The following NNT variants were observed in gnomAD, a reference collection of about 807,000 sequenced individuals.
NNT encodes the protein NAD(P) transhydrogenase, mitochondrial.
NNT carries 50 observed loss-of-function variants against 104.8 expected under a neutral mutation model. The observed-to-expected ratio is 0.48, with a 90% CI of 0.38 to 0.60. The LOEUF (loss-of-function observed/expected upper bound fraction) is 0.60, where lower values mean the gene tolerates loss of function less well. NNT is among the 20% of genes least tolerant of loss of function. The pLI is 0.00. For synonymous variants in NNT, 461 were observed against 490.4 expected, an observed-to-expected ratio of 0.94 and a Z score of 0.79; for missense variants, 1,131 against 1,330.7, an observed-to-expected ratio of 0.85 and a Z score of 2.33.
chr5:43,667,105 A>G (rs1740745224), intron 17 of NNT: 11 of 1,548,974 alleles, frequency 7.1e-6, no homozygotes, highest in Non-Finnish European at 9.7e-6. Flanking sequence ...GGCAAAGTGC[A>G]TGTTCCTCAG....
intron 9 of NNT, 150 bp from the exon 10 acceptor site, chr5:43,645,207 T>C: frequency 2.4e-6 from 1 of 411,106 alleles, no homozygotes; most frequent in South Asian, 8.1e-5. Context: ...GACATATTTA[T>C]GTAAAATGAT....
At chr5:43,629,717 A>G (rs893846266) in intron 7 of NNT, among the ~76,000 whole-genome samples, 2 of 152,088 alleles carry the variant, frequency 1.3e-5, no homozygotes, top group African/African-American at 4.8e-5. Flanking sequence ...TTGCATTTCC[A>G]TGATCATTAG....
intron 17 of NNT, among the ~76,000 whole-genome samples, chr5:43,664,729 C>T (rs116565385): frequency 1.1e-4 from 17 of 150,876 alleles, no homozygotes; most frequent in East Asian, 3.9e-4. Context: ...TCATTTAAGC[C>T]GGCAAAAAAA....
intron 18 of NNT, among the ~76,000 whole-genome samples, chr5:43,677,050 T>C (rs1193870276): frequency 6.6e-6 from 1 of 152,048 alleles, no homozygotes; most frequent in African/African-American, 2.4e-5. Context: ...ATCAGAAATA[T>C]GGAAACAGTT....
chr5:43,624,438 GT>G (rs1230593465), intron 6 of NNT, among the ~76,000 whole-genome samples: 1 of 152,190 alleles, frequency 6.6e-6, no homozygotes, highest in Non-Finnish European at 1.5e-5. Context: ...AAACAAAGAT[GT>G]TTGTGAATCT....
intron 19 of NNT, among the ~76,000 whole-genome samples, chr5:43,688,295 A>T (rs1742085946): frequency 6.6e-6 from 1 of 152,162 alleles, no homozygotes; most frequent in African/African-American, 2.4e-5. Flanking sequence ...AGGACATGTG[A>T]CAGTGGAAGC....
At chr5:43,679,398 A>G (rs1190099936) in intron 19 of NNT, among the ~76,000 whole-genome samples, 1 of 152,178 alleles carries the variant, frequency 6.6e-6, no homozygotes, top group Non-Finnish European at 1.5e-5. Flanking sequence ...GAAGGGAAGG[A>G]TTAATTTGGC....
intron 19 of NNT, among the ~76,000 whole-genome samples, chr5:43,690,438 G>C (rs75478481): frequency 6.6e-6 from 1 of 152,110 alleles, no homozygotes; most frequent in Admixed American, 6.5e-5. Flanking sequence ...AAGAGCAGTG[G>C]GCCTGGTGGG....
chr5:43,613,578 A>G (rs1749619513), intron 3 of NNT: 1 of 154,150 alleles, frequency 6.5e-6, no homozygotes, highest in Non-Finnish European at 1.4e-5. Flanking sequence ...TAGAGAGGGC[A>G]TGACTATTTT....
chr5:43,665,230 TA>T (rs1286301365), intron 17 of NNT, among the ~76,000 whole-genome samples: 2 of 150,030 alleles, frequency 1.3e-5, no homozygotes, highest in African/African-American at 4.9e-5. Flanking sequence ...TTATTATTAT[TA>T]TTATTATTAT....
Position 43,612,936 on chromosome 5 carries a change from A to G in NNT, c.180A>G (p.Gly60=), listed in dbSNP as rs756766359. ...TTCCATATAAGCAACTGACTGTTGG[A>G]GTCCCCAAAGAGATATTCCAAAATG... The part of the protein sequence containing the change: ...PGIPYKQLTV[G]VPKEIFQNEK... Residue 60 remains glycine, a synonymous_variant, in exon 3 of 22, where the codon GGA becomes GGG. Coordinates refer to ENST00000344920, the MANE Select transcript of NNT (RefSeq NM_182977.3). The G allele has an allele frequency of 6.2e-7, 1 of 1,613,770 alleles. No individual in the cohort carries two copies. The highest frequency in any genetic ancestry group is 8.5e-7 in the Non-Finnish European group (1 of 1,179,804).
In NNT at chr5:43,656,022, A is replaced by T; in HGVS notation, c.2242A>T (p.Ile748Phe). 1 of 1,614,210 alleles carries T rather than the reference A, an allele frequency of 6.2e-7. No individual in the cohort carries two copies. The highest frequency in any genetic ancestry group is 8.5e-7 in the Non-Finnish European group (1 of 1,180,034). Residue 748 changes from isoleucine (I) to phenylalanine (F), a missense_variant, in exon 15 of 22, where the codon ATT (isoleucine) becomes TTT (phenylalanine). Coordinates refer to ENST00000344920, the MANE Select transcript of NNT (RefSeq NM_182977.3). ...GATTGTGGCCTACCTCGGCACTTAC[A>T]TTGGTGGCGTCACCTTTAGTGGGTC... is the stretch of plus-strand genomic sequence containing the variant. ...TKIVAYLGTY[I>F]GGVTFSGSLI...
intron 6 of NNT, among the ~76,000 whole-genome samples, chr5:43,625,670 C>T (rs913491592): frequency 2.6e-5 from 4 of 152,092 alleles, no homozygotes; most frequent in Admixed American, 6.5e-5. Flanking sequence ...TGAATTCTTT[C>T]AAACAATAAC....
At chr5:43,693,276 T>C (rs994986741) in intron 19 of NNT, among the ~76,000 whole-genome samples, 5 of 152,228 alleles carry the variant, frequency 3.3e-5, no homozygotes, top group Admixed American at 2.6e-4. Context: ...TATTTCAATA[T>C]AATGCATTTT....
Position 43,667,434 on chromosome 5 carries a change from C to T in NNT, c.2635-8077C>T, listed in dbSNP as rs1740772307. 2.0e-5 allele frequency among the ~76,000 whole-genome samples: 3 copies of T among 152,114 alleles called. No homozygotes were observed. In the South Asian group the frequency reaches 6.2e-4, roughly 32 times the overall value. ...CCTCCCCACTCCCCCCACCCCACGA[C>T]AGGCCCTGGTGTGTGATGTTTCCCT... On this transcript the variant is annotated intron_variant, in intron 17 of 21. Transcript: ENST00000344920.
At chr5:43,606,867 A>C (rs547534815) in intron 1 of NNT, among the ~76,000 whole-genome samples, 1 of 152,356 alleles carries the variant, frequency 6.6e-6, no homozygotes, top group East Asian at 1.9e-4. Flanking sequence ...TGTTGAATTA[A>C]GGGGCATCTT....
At chr5:43,649,788 ATT>A (rs1201164713) in intron 11 of NNT, among the ~76,000 whole-genome samples, 1 of 152,114 alleles carries the variant, frequency 6.6e-6, no homozygotes, top group Non-Finnish European at 1.5e-5. Flanking sequence ...GGCATCAGGC[ATT>A]TCTCTTTGGT....
chr5:43,644,595 A>C lies in NNT; in HGVS notation c.1099-16A>C. The C allele has an allele frequency of 6.3e-7, 1 of 1,591,888 alleles. No individual in the cohort carries two copies. Among genetic ancestry groups the C allele is most frequent in the Non-Finnish European group, 8.5e-7 (1 of 1,170,062 alleles). ...TAGGGTGATAGACCTTTTTGACTAT[A>C]ATTTTGTTCATTTAGGGAATTACTC... On this transcript the variant is annotated splice_polypyrimidine_tract_variant and intron_variant, in intron 8 of 21. Transcript: ENST00000344920.
intron 12 of NNT, 143 bp from the exon 13 acceptor site, chr5:43,651,596 T>C (rs1268581340): frequency 2.2e-6 from 2 of 896,020 alleles, no homozygotes; most frequent in Non-Finnish European, 3.4e-6. Flanking sequence ...AAATTTGAGG[T>C]TGCAAAATGT....
Sources: allele counts gnomAD v4.1 joint callset (sites outside exome capture counted in the v4.1 genomes callset), GRCh38; gene constraint gnomAD v4.1.1; transcripts MANE v1.5; gene names NCBI Gene and HGNC (gene_info 2026-07-23, HGNC 2026-07-21).